The following SCAI variants were observed in gnomAD, a reference collection of about 807,000 sequenced individuals.
The protein encoded by SCAI is protein SCAI.
A neutral mutation model predicts 92.2 loss-of-function variants in SCAI; 24 were observed. The observed-to-expected ratio is 0.26, with a 90% confidence interval of 0.19 to 0.37. The LOEUF (loss-of-function observed/expected upper bound fraction) is 0.37. Ranked by LOEUF, SCAI falls within the 10% of genes least tolerant of loss-of-function variation. The pLI is 1.00. For missense variants in SCAI, 450 were observed against 736.2 expected (o/e 0.61, Z 4.50); for synonymous variants, 261 against 258.6 (o/e 1.01, Z -0.09).
At chr9:125,005,947 T>A (rs1430777156) in intron 9 of SCAI, among the ~76,000 whole-genome samples, 1 of 152,172 alleles carries the variant, frequency 6.6e-6, no homozygotes, top group Non-Finnish European at 1.5e-5. Flanking sequence ...GATTCTCATG[T>A]GGTTTGAGAA....
At chr9:125,076,285 G>A (rs1834088599) in intron 2 of SCAI, among the ~76,000 whole-genome samples, 1 of 151,432 alleles carries the variant, frequency 6.6e-6, no homozygotes, top group African/African-American at 2.4e-5. Flanking sequence ...GCTCACTTGA[G>A]GTCAGGAGTT....
At chr9:124,968,635 G>A in intron 17 of SCAI, 1 of 991,416 alleles carries the variant, frequency 1.0e-6, no homozygotes, top group East Asian at 2.4e-5. Flanking sequence ...TCCTCCGCTA[G>A]TCTTTCATAG....
In SCAI at chr9:125,109,653, TTATCTATC is replaced by T. The variant is rs61141143; in HGVS notation, c.98+32972_98+32979del. On this transcript the variant is annotated intron_variant, in intron 2 of 17. Transcript: ENST00000336505. ...CAACTACTTAAATCAAGGTTTCCAT[TTATCTATC>T]TATCTATCTATCTATCTATCTATCT... Among the ~76,000 whole-genome samples, 146 of 147,936 alleles carry T rather than the reference TTATCTATC, an allele frequency of 9.9e-4. 1 individual carries two copies. Among genetic ancestry groups the T allele is most frequent in the African/African-American group, 2.0e-3 (78 of 39,678 alleles).
At chr9:125,107,706 T>C (rs1474139839) in intron 2 of SCAI, among the ~76,000 whole-genome samples, 3 of 152,200 alleles carry the variant, frequency 2.0e-5, no homozygotes, top group Non-Finnish European at 2.9e-5. Context: ...TGAGCCTGGC[T>C]GCAGTGAGTT....
intron 3 of SCAI, among the ~76,000 whole-genome samples, chr9:125,048,498 C>A (rs548305801): frequency 3.3e-5 from 5 of 151,406 alleles, no homozygotes; most frequent in African/African-American, 7.3e-5. Context: ...CAGAACTAGC[C>A]TCTAAGAGAA....
rs962462552 is a variant in SCAI, at chr9:125,143,502, G to C, written c.-65C>G. 2.0e-5 allele frequency: 26 copies of C among 1,283,150 alleles called. No homozygotes were observed. The Admixed American group carries it at 2.9e-4, about 14-fold the overall frequency. 79.5% of individuals were successfully genotyped at this position (1,283,150 alleles called of 1,614,324 possible). ...CAGGGCTCGCTCGGGAAGCTGAGGC[G>C]GCGGAGGCTGGAGTAGGCGGAGAGG... is the stretch of plus-strand genomic sequence containing the variant. On this transcript the variant is annotated 5_prime_UTR_variant, in exon 1 of 18. Coordinates refer to ENST00000336505, the MANE Select transcript of SCAI (RefSeq NM_001144877.3).
chr9:124,968,385 G>C (rs1341843551), intron 17 of SCAI: 1 of 1,152,688 alleles, frequency 8.7e-7, no homozygotes, highest in African/African-American at 1.5e-5. Context: ...ATCATGGAGG[G>C]ACACGCAATC....
At chr9:125,002,115 TG>T (rs1306066711) in intron 11 of SCAI, 72 bp from the exon 12 acceptor site, 5 of 1,047,362 alleles carry the variant, frequency 4.8e-6, no homozygotes, top group Non-Finnish European at 7.5e-6. Flanking sequence ...TTAAAGTTCA[TG>T]ACATCTTAAA....
intron 2 of SCAI, among the ~76,000 whole-genome samples, chr9:125,106,136 T>A (rs867228499): frequency 1.6e-3 from 150 of 95,626 alleles, no homozygotes; most frequent in Middle Eastern, 5.4e-3. Flanking sequence ...TATATATATA[T>A]ATATATATAT....
chr9:125,065,938 T>G, intron 2 of SCAI: 1 of 735,684 alleles, frequency 1.4e-6, no homozygotes, highest in East Asian at 2.5e-5. Flanking sequence ...GAAAGGGAGC[T>G]TCATTAATTT....
chr9:125,002,194 T>C, intron 11 of SCAI, 151 bp from the exon 12 acceptor site: 1 of 613,144 alleles, frequency 1.6e-6, no homozygotes. Flanking sequence ...TGGTCCTGAC[T>C]TTAAAACTAT....
chr9:125,051,126 G>A (rs746470932), intron 3 of SCAI, among the ~76,000 whole-genome samples: 8 of 152,110 alleles, frequency 5.3e-5, no homozygotes, highest in East Asian at 1.9e-4. Flanking sequence ...AGCTTCAAGC[G>A]ATTCTCCTGT....
At chr9:124,954,498 C>G (rs1831283907) in intron 17 of SCAI, among the ~76,000 whole-genome samples, 1 of 152,206 alleles carries the variant, frequency 6.6e-6, no homozygotes, top group Admixed American at 6.5e-5. Flanking sequence ...CTTCTGTTAT[C>G]ATTTTACAGA....
At chr9:125,084,636 G>C (rs1346440270) in intron 2 of SCAI, among the ~76,000 whole-genome samples, 1 of 152,052 alleles carries the variant, frequency 6.6e-6, no homozygotes, top group Non-Finnish European at 1.5e-5. Context: ...TTTCTAATTT[G>C]CACAAAGGAA....
intron 3 of SCAI, among the ~76,000 whole-genome samples, chr9:125,046,194 G>GATATATATATATAT (rs1554784565): frequency 7.1e-4 from 11 of 15,524 alleles, no homozygotes; most frequent in South Asian, 2.3e-3. Context: ...AAGAAATTGT[G>GATATATATATATAT]AGATATATAT....
At chr9:125,122,965 C>A (rs1835187688) in intron 2 of SCAI, among the ~76,000 whole-genome samples, 1 of 152,116 alleles carries the variant, frequency 6.6e-6, no homozygotes, top group Non-Finnish European at 1.5e-5. Context: ...GATGCATATT[C>A]CTATTTTATA....
At chr9:124,963,008 AG>A (rs1327346262) in intron 17 of SCAI, among the ~76,000 whole-genome samples, 1 of 151,814 alleles carries the variant, frequency 6.6e-6, no homozygotes, top group African/African-American at 2.4e-5. Flanking sequence ...CATGTTGGCC[AG>A]GCTGGTCTTG....
intron 2 of SCAI, among the ~76,000 whole-genome samples, chr9:125,135,666 A>T (rs746598101): frequency 5.7e-4 from 82 of 144,426 alleles, no homozygotes; most frequent in Middle Eastern, 4.5e-3. Flanking sequence ...ACTAAATAAA[A>T]ATTTTTAAAA....
chr9:125,042,233 CTCTT>C (rs928044956), intron 3 of SCAI, among the ~76,000 whole-genome samples: 1 of 152,122 alleles, frequency 6.6e-6, no homozygotes. Context: ...ACACTAATCT[CTCTT>C]TATTGAAATC....
Sources: allele counts gnomAD v4.1 joint callset (sites outside exome capture counted in the v4.1 genomes callset), GRCh38; gene constraint gnomAD v4.1.1; transcripts MANE v1.5; gene names NCBI Gene and HGNC (gene_info 2026-07-23, HGNC 2026-07-21).